GLB1: variants seen among roughly 807,000 people sequenced by gnomAD.
The protein encoded by GLB1 is galactosidase beta 1, also known as beta-galactosidase.
In GLB1, 56 loss-of-function variants were observed where a neutral mutation model predicts 74.0. That is an observed-to-expected ratio of 0.76 (90% CI 0.61 to 0.94). The LOEUF (loss-of-function observed/expected upper bound fraction) is 0.94. Ranked by LOEUF, GLB1 falls within the 40% of genes least tolerant of loss-of-function variation. The pLI is 0.00. For synonymous variants in GLB1, 323 were observed against 323.6 expected (o/e 1.00, Z 0.02); for missense variants, 787 against 845.5 (o/e 0.93, Z 0.86).
rs79723164 is a variant in GLB1 at position 33,001,689 on chromosome 3, G to C, written c.1735-4345C>G. ...TTTGAGGCGAGATTCTCCGCACGCAGGAGAGTGATATTCAATATACACTTA... is the reference window on the plus strand; with the variant it reads ...TTTGAGGCGAGATTCTCCGCACGCACGAGAGTGATATTCAATATACACTTA... On this transcript the variant is annotated intron_variant, in intron 15 of 15. Transcript: ENST00000307363. Among the ~76,000 whole-genome samples, 402 of 152,318 alleles carry C rather than the reference G, an allele frequency of 2.6e-3. 1 individual carries two copies. Among genetic ancestry groups the C allele is most frequent in the African/African-American group, 9.2e-3 (382 of 41,564 alleles).
At position 32,996,910 on chromosome 3, in the gene GLB1, G is replaced by A; in HGVS notation, c.*135C>T. 6.5e-7 allele frequency: 1 copy of A among 1,538,836 alleles called. No individual in the cohort carries two copies. Among genetic ancestry groups the A allele is most frequent in the East Asian group, 2.3e-5 (1 of 44,290 alleles). On this transcript the variant is annotated 3_prime_UTR_variant, in exon 16 of 16. Coordinates refer to ENST00000307363, the MANE Select transcript of GLB1 (RefSeq NM_000404.4). ...GGGCTTTGGCACTGCAGGGATGCAG[G>A]GAAACCTCAGGTGAAAATGCACATC...
In GLB1 at chr3:33,074,389, G is replaced by GAAAGAAAAAGA. The variant is rs1559412979; in HGVS notation, c.76-1677_76-1676insTCTTTTTCTTT. On this transcript the variant is annotated intron_variant, in intron 1 of 15. Transcript: ENST00000307363. Reference sequence around the variant, plus strand: ...GGAAGGAAGGAAGGAAGGAAGGAAGGAAGAAAGAAAGAAAGAAAGAATATT... The same window carrying GAAAGAAAAAGA: ...GGAAGGAAGGAAGGAAGGAAGGAAGGAAAGAAAAAGAAAGAAAGAAAGAAAGAAAGAATATT... 7.7e-5 allele frequency among the ~76,000 whole-genome samples: 3 copies of GAAAGAAAAAGA among 38,884 alleles called. 1 individual carries two copies. The highest frequency in any genetic ancestry group is 1.4e-4 in the Non-Finnish European group (3 of 21,200). 25.5% of individuals were successfully genotyped at this position (38,884 alleles called of 152,430 possible).
intron 10 of GLB1, chr3:33,030,534 G>C (rs564696637): frequency 3.0e-5 from 30 of 985,302 alleles, no homozygotes; most frequent in Non-Finnish European, 3.3e-5. Flanking sequence ...CTGTGTCTGC[G>C]TATCAAGCCA....
intron 3 of GLB1, 71 bp from the exon 4 acceptor site, chr3:33,068,361 A>G: frequency 6.3e-7 from 1 of 1,589,058 alleles, no homozygotes; most frequent in Non-Finnish European, 8.6e-7. Context: ...AGAAATTACT[A>G]TTAGTAGTTA....
chr3:33,016,682 T>C, intron 14 of GLB1, 27 bp downstream of exon 14: 4 of 1,612,694 alleles, frequency 2.5e-6, no homozygotes, highest in Non-Finnish European at 3.4e-6. Context: ...CCTTAAACCT[T>C]AGTCTTGACA....
intron 6 of GLB1, among the ~76,000 whole-genome samples, chr3:33,056,876 C>G (rs1392840818): frequency 6.6e-6 from 1 of 152,200 alleles, no homozygotes; most frequent in East Asian, 1.9e-4. Flanking sequence ...GTACTCTTAT[C>G]TAATCTACAG....
At chr3:33,090,344 GC>G (rs1257481967) in intron 1 of GLB1, 22 of 952,404 alleles carry the variant, frequency 2.3e-5, no homozygotes, top group Non-Finnish European at 2.7e-5. Flanking sequence ...GCTTGTTAAA[GC>G]TGGGAGAGAG....
At position 33,079,816 on chromosome 3, in the gene GLB1, C is replaced by T. The variant is rs116844556; in HGVS notation, c.76-7103G>A. 1.6e-4 allele frequency among the ~76,000 whole-genome samples: 25 copies of T among 152,260 alleles called. 1 individual carries two copies. The East Asian group carries it at 4.6e-3, about 28-fold the overall frequency. On this transcript the variant is annotated intron_variant, in intron 1 of 15. Coordinates refer to ENST00000307363, the MANE Select transcript of GLB1 (RefSeq NM_000404.4). ...TTTTTGAGTCAGGGTCTTTCTTGCT[C>T]AGTTGCTCTGGCTGGAGTGCAGCAG...
At chr3:33,021,150 C>T (rs1413311847) in intron 12 of GLB1, 4 of 197,972 alleles carry the variant, frequency 2.0e-5, no homozygotes, top group Non-Finnish European at 4.1e-5. Flanking sequence ...GAAAAAGAAT[C>T]TCAAAGAACC....
intron 2 of GLB1, among the ~76,000 whole-genome samples, chr3:33,069,690 T>C (rs72856153): frequency 1.3e-5 from 2 of 152,150 alleles, no homozygotes; most frequent in African/African-American, 4.8e-5. Context: ...ACCAGTTTTA[T>C]CTCTAAAGAT....
Position 33,068,819 on chromosome 3 carries a change from C to T in GLB1, c.396+1G>A. 1 of 1,613,878 alleles carries T rather than the reference C, an allele frequency of 6.2e-7. No individual in the cohort carries two copies. Among genetic ancestry groups the T allele is most frequent in the Non-Finnish European group, 8.5e-7 (1 of 1,180,034 alleles). ...GTAGAGCCCAGTCTAGCCACACTCA[C>T]CATTTCCCACTCTGCACAGATGTAG... On this transcript the variant is annotated splice_donor_variant, in intron 3 of 15. Coordinates refer to ENST00000307363, the MANE Select transcript of GLB1 (RefSeq NM_000404.4). LOFTEE classifies it high-confidence loss of function.
In GLB1 at chr3:33,017,398, T is replaced by C. The variant is rs889710718; in HGVS notation, c.1348-558A>G. On this transcript the variant is annotated intron_variant, in intron 13 of 15. Transcript: ENST00000307363. ...TTTTTAAAAGGTTAGACTTTAAAAATTGACCTTACAATGATCATAATTCAC... is the reference window on the plus strand; with the variant it reads ...TTTTTAAAAGGTTAGACTTTAAAAACTGACCTTACAATGATCATAATTCAC... Among the ~76,000 whole-genome samples, 10 of 152,328 alleles carry C rather than the reference T, an allele frequency of 6.6e-5. 1 individual carries two copies. Among genetic ancestry groups the C allele is most frequent in the Middle Eastern group, 3.4e-3 (1 of 294 alleles).
At chr3:33,090,771 T>C in intron 1 of GLB1, 1 of 984,848 alleles carries the variant, frequency 1.0e-6, no homozygotes, top group Non-Finnish European at 1.2e-6. Context: ...TACGAGAGGG[T>C]GTTGATGTTG....
At chr3:33,045,892 G>A in intron 10 of GLB1, 1 of 818,930 alleles carries the variant, frequency 1.2e-6, no homozygotes, top group South Asian at 1.8e-5. Flanking sequence ...ATATATTGCA[G>A]TTTTTAAATA....
At chr3:32,998,610 T>C (rs2125444433) in intron 15 of GLB1, among the ~76,000 whole-genome samples, 1 of 149,944 alleles carries the variant, frequency 6.7e-6, no homozygotes, top group East Asian at 2.0e-4. Context: ...AAAGTGAAGA[T>C]GGGGAGATCA....
In GLB1 at chr3:33,068,299, G is replaced by C; in HGVS notation, c.397-9C>G. 4.3e-6 allele frequency: 7 copies of C among 1,613,974 alleles called. No homozygotes were observed. The highest frequency in any genetic ancestry group is 5.9e-6 in the Non-Finnish European group (7 of 1,179,982). ...CAAGCAGGTAATCCTCCCTAGTTCA[G>C]GGAAAACAAGCCATTATAATGTCTG... is the stretch of plus-strand genomic sequence containing the variant. On this transcript the variant is annotated splice_polypyrimidine_tract_variant and intron_variant, in intron 3 of 15. Transcript: ENST00000307363.
At chr3:33,076,274 G>A (rs1040586716) in intron 1 of GLB1, among the ~76,000 whole-genome samples, 1 of 152,168 alleles carries the variant, frequency 6.6e-6, no homozygotes, top group African/African-American at 2.4e-5. Flanking sequence ...GGGAGGGAGG[G>A]CAGGACTACA....
chr3:32,995,528 C>T (rs775404974), downstream of GLB1, among the ~76,000 whole-genome samples: 1 of 152,094 alleles, frequency 6.6e-6, no homozygotes, highest in African/African-American at 2.4e-5. Context: ...TTCGGCTCAT[C>T]TATGCCACTT....
At chr3:32,964,001 CAG>C in the GLB1 span, among the ~76,000 whole-genome samples, 12 of 152,172 alleles carry the variant, frequency 7.9e-5, no homozygotes, top group African/African-American at 2.9e-4. Context: ...CACCTGCCCA[CAG>C]AGATGTGCAG....
Sources: allele counts gnomAD v4.1 joint callset (sites outside exome capture counted in the v4.1 genomes callset), GRCh38; gene constraint gnomAD v4.1.1; transcripts MANE v1.5; gene names NCBI Gene and HGNC (gene_info 2026-07-23, HGNC 2026-07-21).